The following TMEM209 variants were observed in gnomAD, a reference collection of about 807,000 sequenced individuals.
TMEM209 encodes the protein transmembrane protein 209.
In TMEM209, 65 loss-of-function variants were observed where a neutral mutation model predicts 76.2. The ratio of observed to expected loss-of-function variants is 0.85; its 90% CI spans 0.70 to 1.05. TMEM209 has a LOEUF of 1.05. TMEM209 is among the 50% of genes least tolerant of loss of function. The probability of loss-of-function intolerance (pLI) is 0.00; values close to 1 mark genes in which losing one functional copy is unlikely to be tolerated. For synonymous variants in TMEM209, 239 were observed against 237.6 expected (o/e 1.01, Z -0.06); for missense variants, 623 against 685.5 (o/e 0.91, Z 1.02).
chr7:130,184,971 C>T (rs529771070), intron 7 of TMEM209, among the ~76,000 whole-genome samples: 96 of 152,146 alleles, frequency 6.3e-4, no homozygotes, highest in Non-Finnish European at 1.1e-3. Context: ...AGGCAGGGCG[C>T]TAAGGTGAAC....
chr7:130,192,859 T>C (rs1273851941), intron 5 of TMEM209, 36 bp from the exon 6 acceptor site: 2 of 1,582,188 alleles, frequency 1.3e-6, no homozygotes, highest in Non-Finnish European at 1.7e-6. Context: ...TTATTTTTCT[T>C]TAATTGAAAT....
intron 13 of TMEM209, among the ~76,000 whole-genome samples, chr7:130,172,641 A>G (rs1253985752): frequency 6.6e-6 from 1 of 152,200 alleles, no homozygotes; most frequent in African/African-American, 2.4e-5. Flanking sequence ...AATACAGAAA[A>G]TGTACAACAG....
intron 9 of TMEM209, among the ~76,000 whole-genome samples, chr7:130,179,340 T>G (rs1476295583): frequency 6.6e-6 from 1 of 152,074 alleles, no homozygotes; most frequent in Non-Finnish European, 1.5e-5. Context: ...CCTCCTCCCC[T>G]TCCCCAGAGA....
At chr7:130,204,989 G>GT (rs1305648693) in intron 1 of TMEM209, 2 of 1,153,534 alleles carry the variant, frequency 1.7e-6, no homozygotes, top group South Asian at 2.4e-5. Flanking sequence ...GGTGAGCGGA[G>GT]TAAGAGGGAG....
chr7:130,176,543 C>A (rs1797243050), intron 10 of TMEM209, among the ~76,000 whole-genome samples: 1 of 152,118 alleles, frequency 6.6e-6, no homozygotes, highest in South Asian at 2.1e-4. Context: ...AACTACAAGG[C>A]AATCTTGCCA....
At chr7:130,193,817 C>T (rs917619418) in intron 5 of TMEM209, among the ~76,000 whole-genome samples, 1 of 150,512 alleles carries the variant, frequency 6.6e-6, no homozygotes, top group African/African-American at 2.4e-5. Context: ...ACCCATAGAA[C>T]GTACAACACC....
At chr7:130,168,648 T>A (rs1428346778) in intron 14 of TMEM209, among the ~76,000 whole-genome samples, 1 of 152,150 alleles carries the variant, frequency 6.6e-6, no homozygotes. Context: ...TATGTTTGGA[T>A]ACAATACATT....
intron 13 of TMEM209, among the ~76,000 whole-genome samples, chr7:130,171,659 A>G (rs1232573810): frequency 6.6e-6 from 1 of 152,248 alleles, no homozygotes; most frequent in South Asian, 2.1e-4. Flanking sequence ...TATTATAGCC[A>G]ATGTAAAATT....
At chr7:130,200,983 G>A (rs1042327821) in intron 5 of TMEM209, among the ~76,000 whole-genome samples, 6 of 150,660 alleles carry the variant, frequency 4.0e-5, no homozygotes, top group African/African-American at 1.5e-4. Flanking sequence ...CAGCTACTCG[G>A]GAGGCTGAGG....
At chr7:130,180,391 A>G (rs1205649920) in intron 9 of TMEM209, among the ~76,000 whole-genome samples, 1 of 151,982 alleles carries the variant, frequency 6.6e-6, no homozygotes, top group African/African-American at 2.4e-5. Context: ...TTTTTGAGAC[A>G]AAGTCTCAAA....
intron 6 of TMEM209, among the ~76,000 whole-genome samples, chr7:130,185,740 TAGA>T (rs1488036373): frequency 6.6e-6 from 1 of 152,192 alleles, no homozygotes. Flanking sequence ...TTGAAATTTC[TAGA>T]AGCTCTTTCT....
chr7:130,186,501 T>A (rs1356842234), intron 6 of TMEM209, among the ~76,000 whole-genome samples: 1 of 152,158 alleles, frequency 6.6e-6, no homozygotes, highest in Non-Finnish European at 1.5e-5. Context: ...TCAACCAACA[T>A]AAATGATTTA....
intron 14 of TMEM209, among the ~76,000 whole-genome samples, chr7:130,168,887 T>C (rs1277632547): frequency 6.6e-6 from 1 of 152,196 alleles, no homozygotes; most frequent in Non-Finnish European, 1.5e-5. Flanking sequence ...CCTGTTAGTT[T>C]AGATGCCTCA....
intron 5 of TMEM209, among the ~76,000 whole-genome samples, chr7:130,193,503 C>T (rs754670127): frequency 1.3e-5 from 2 of 151,518 alleles, no homozygotes; most frequent in Non-Finnish European, 2.9e-5. Flanking sequence ...CGCGCGACTG[C>T]ACTCCAGCCT....
At chr7:130,181,830 G>C in intron 8 of TMEM209, 111 bp from the exon 9 acceptor site, 1 of 756,462 alleles carries the variant, frequency 1.3e-6, no homozygotes, top group Non-Finnish European at 2.1e-6. Context: ...TCTTATAGTT[G>C]AATATTAAAA....
At chr7:130,174,023 T>A in intron 11 of TMEM209, 84 bp from the exon 12 acceptor site, 1 of 922,348 alleles carries the variant, frequency 1.1e-6, no homozygotes. Flanking sequence ...TCTGTATTTA[T>A]AACGATTCCA....
chr7:130,199,847 G>A (rs1311096298), intron 5 of TMEM209: 2 of 152,052 alleles, frequency 1.3e-5, no homozygotes, highest in Admixed American at 6.6e-5. Flanking sequence ...CTAACAGTCA[G>A]TCCACAATGA....
intron 5 of TMEM209, chr7:130,199,931 C>G (rs1241901495): frequency 6.6e-6 from 1 of 151,964 alleles, no homozygotes; most frequent in Non-Finnish European, 1.5e-5. Flanking sequence ...ACATGTAATT[C>G]AAAGGAGGCT....
At chr7:130,171,659 A>C (rs1232573810) in intron 13 of TMEM209, among the ~76,000 whole-genome samples, 1 of 152,248 alleles carries the variant, frequency 6.6e-6, no homozygotes, top group Non-Finnish European at 1.5e-5. Context: ...TATTATAGCC[A>C]ATGTAAAATT....
Sources: allele counts gnomAD v4.1 joint callset (sites outside exome capture counted in the v4.1 genomes callset), GRCh38; gene constraint gnomAD v4.1.1; transcripts MANE v1.5; gene names NCBI Gene and HGNC (gene_info 2026-07-23, HGNC 2026-07-21).